Variants in GRM3 observed in about 807,000 individuals in gnomAD.
The protein encoded by GRM3 is metabotropic glutamate receptor 3.
Under a neutral mutation model 70.5 loss-of-function variants are expected in GRM3, and 26 were observed. That is an observed-to-expected ratio of 0.37 (90% CI 0.27 to 0.51). The LOEUF is 0.51. Ranked by LOEUF, GRM3 falls within the 20% of genes least tolerant of loss-of-function variation. GRM3 has a pLI of 0.93. For synonymous variants in GRM3, 443 were observed against 434.9 expected, an observed-to-expected ratio of 1.02 and a Z score of -0.23; for missense variants, 859 against 1,123.8, an observed-to-expected ratio of 0.76 and a Z score of 3.37.
At position 86,833,391 on chromosome 7, in the gene GRM3, T is replaced by TATG. The variant is rs921447277; in HGVS notation, c.1325-5445_1325-5443dup. Reference sequence around the variant, plus strand: ...TGCACATGTACCCTAAAACTTAAAGTATGATAATAATAATAATAATAATAA... The same window carrying TATG: ...TGCACATGTACCCTAAAACTTAAAGTATGATGATAATAATAATAATAATAATAA... On this transcript the variant is annotated intron_variant, in intron 3 of 5. Coordinates refer to ENST00000361669, the MANE Select transcript of GRM3 (RefSeq NM_000840.3). 1.4e-5 allele frequency among the ~76,000 whole-genome samples: 2 copies of TATG among 147,112 alleles called. 1 individual carries two copies. Among genetic ancestry groups the TATG allele is most frequent in the African/African-American group, 5.4e-5 (2 of 37,086 alleles).
chr7:86,810,106 C>T (rs577205303), intron 3 of GRM3, among the ~76,000 whole-genome samples: 4 of 152,016 alleles, frequency 2.6e-5, no homozygotes, highest in Non-Finnish European at 4.4e-5. Context: ...CCTTTTCACC[C>T]GAAGGTGGGA....
At chr7:86,846,436 T>C (rs1293314694) in intron 4 of GRM3, among the ~76,000 whole-genome samples, 2 of 152,202 alleles carry the variant, frequency 1.3e-5, no homozygotes, top group African/African-American at 2.4e-5. Context: ...TGAAAGTCTC[T>C]CTCTCTCTCA....
chr7:86,742,480 T>C (rs1313339467), intron 1 of GRM3, among the ~76,000 whole-genome samples: 2 of 152,076 alleles, frequency 1.3e-5, no homozygotes, highest in East Asian at 3.8e-4. Context: ...GAAAAGGTCC[T>C]GAAAGAGCAT....
intron 3 of GRM3, among the ~76,000 whole-genome samples, chr7:86,822,994 A>G (rs966574347): frequency 2.6e-5 from 4 of 152,196 alleles, no homozygotes; most frequent in Admixed American, 6.5e-5. Context: ...CACTAAATGC[A>G]ACAGGAGAGC....
At chr7:86,693,172 T>A (rs1041831929) in intron 1 of GRM3, among the ~76,000 whole-genome samples, 7 of 152,236 alleles carry the variant, frequency 4.6e-5, no homozygotes, top group African/African-American at 1.7e-4. Context: ...TGAGACTCTA[T>A]ACCAGGCACT....
intron 5 of GRM3, among the ~76,000 whole-genome samples, chr7:86,862,753 A>G (rs1328127442): frequency 6.6e-6 from 1 of 152,154 alleles, no homozygotes; most frequent in Admixed American, 6.6e-5. Context: ...CTGCTGATAG[A>G]CTTCAGTGCC....
intron 3 of GRM3, among the ~76,000 whole-genome samples, chr7:86,798,432 G>A (rs1351606609): frequency 6.6e-6 from 1 of 152,176 alleles, no homozygotes; most frequent in Admixed American, 6.5e-5. Flanking sequence ...GGAGCTTCAA[G>A]ATTTGACTGC....
chr7:86,674,326 G>T (rs1794248836), intron 1 of GRM3, among the ~76,000 whole-genome samples: 1 of 152,048 alleles, frequency 6.6e-6, no homozygotes, highest in Non-Finnish European at 1.5e-5. Context: ...GTTCTTACAT[G>T]GCAGCTGTCT....
intron 1 of GRM3, among the ~76,000 whole-genome samples, chr7:86,711,357 C>A (rs1200402672): frequency 6.6e-6 from 1 of 151,932 alleles, no homozygotes; most frequent in African/African-American, 2.4e-5. Flanking sequence ...AATATGTATG[C>A]ATATATTAGG....
At chr7:86,715,126 GGT>G (rs1403415903) in intron 1 of GRM3, among the ~76,000 whole-genome samples, 1 of 151,976 alleles carries the variant, frequency 6.6e-6, no homozygotes, top group Non-Finnish European at 1.5e-5. Context: ...CCTTCTGGCA[GGT>G]GTCATTCTGT....
chr7:86,662,254 T>C (rs1793913175), intron 1 of GRM3, among the ~76,000 whole-genome samples: 1 of 151,900 alleles, frequency 6.6e-6, no homozygotes, highest in African/African-American at 2.4e-5. Context: ...TTATCCCTGC[T>C]TGAAAATAAG....
At chr7:86,654,841 ATAT>A (rs1355520298) in intron 1 of GRM3, among the ~76,000 whole-genome samples, 1 of 152,240 alleles carries the variant, frequency 6.6e-6, no homozygotes, top group Non-Finnish European at 1.5e-5. Context: ...TGTTCTAGAG[ATAT>A]TATAGCATGA....
At chr7:86,821,137 A>G (rs1329858805) in intron 3 of GRM3, among the ~76,000 whole-genome samples, 2 of 151,716 alleles carry the variant, frequency 1.3e-5, no homozygotes, top group African/African-American at 4.9e-5. Context: ...ACAATATTGC[A>G]GATAATGTGC....
intron 1 of GRM3, among the ~76,000 whole-genome samples, chr7:86,677,116 C>CT (rs1380826921): frequency 6.6e-6 from 1 of 151,980 alleles, no homozygotes; most frequent in Non-Finnish European, 1.5e-5. Context: ...AGGCATCTAT[C>CT]TACCTGCTTT....
chr7:86,690,944 T>C (rs1794682399), intron 1 of GRM3, among the ~76,000 whole-genome samples: 1 of 152,140 alleles, frequency 6.6e-6, no homozygotes, highest in Non-Finnish European at 1.5e-5. Context: ...AAAATAAACA[T>C]CTTTACCATA....
Position 86,771,260 on chromosome 7 carries a change from C to G in GRM3, c.468+5647C>G, listed in dbSNP as rs1454621591. 2.6e-5 allele frequency among the ~76,000 whole-genome samples: 4 copies of G among 152,140 alleles called. No homozygotes were observed. The South Asian group carries it at 8.3e-4, about 32-fold the overall frequency. On this transcript the variant is annotated intron_variant, in intron 2 of 5. Transcript: ENST00000361669. The stretch of plus-strand genomic sequence containing the variant: ...TTCTTAACATTATAATTATATGTCA[C>G]TTTATGAAAATACTCTACTATTAGG...
chr7:86,686,529 AGGTTT>A (rs1451158768), intron 1 of GRM3, among the ~76,000 whole-genome samples: 1 of 152,238 alleles, frequency 6.6e-6, no homozygotes, highest in Non-Finnish European at 1.5e-5. Flanking sequence ...AAAATTACAA[AGGTTT>A]GGTAAAAACT....
chr7:86,774,171 C>G (rs1375191740), intron 2 of GRM3, among the ~76,000 whole-genome samples: 11 of 152,040 alleles, frequency 7.2e-5, no homozygotes, highest in Admixed American at 7.2e-4. Context: ...GTGCCTTTTT[C>G]ATGGATTGAT....
At chr7:86,798,288 A>T (rs1441403590) in intron 3 of GRM3, among the ~76,000 whole-genome samples, 2 of 152,180 alleles carry the variant, frequency 1.3e-5, no homozygotes, top group African/African-American at 4.8e-5. Flanking sequence ...CACTCAACCC[A>T]GCCCATGAAA....
Sources: allele counts gnomAD v4.1 joint callset (sites outside exome capture counted in the v4.1 genomes callset), GRCh38; gene constraint gnomAD v4.1.1; transcripts MANE v1.5; gene names NCBI Gene and HGNC (gene_info 2026-07-23, HGNC 2026-07-21).